Variants in SMC1B observed in about 807,000 individuals in gnomAD.
SMC1B encodes the protein structural maintenance of chromosomes protein 1B.
A neutral mutation model predicts 157.9 loss-of-function variants in SMC1B; 60 were observed. The ratio of observed to expected loss-of-function variants is 0.38; its 90% CI spans 0.31 to 0.47. SMC1B has a LOEUF of 0.47. Ranked by LOEUF, SMC1B falls within the 20% of genes least tolerant of loss-of-function variation. SMC1B has a pLI of 0.99. For synonymous variants in SMC1B, 445 were observed against 483.0 expected (o/e 0.92, Z 1.03); for missense variants, 1,165 against 1,426.2 (o/e 0.82, Z 2.95).
chr22:45,354,403 T>C (rs1051002581), intron 20 of SMC1B, among the ~76,000 whole-genome samples: 4 of 152,124 alleles, frequency 2.6e-5, no homozygotes, highest in Admixed American at 6.6e-5. Context: ...TGTATGTATG[T>C]ATTTAGAGAC....
chr22:45,413,345 AG>A, intron 1 of SMC1B, 113 bp downstream of exon 1: 1 of 774,524 alleles, frequency 1.3e-6, no homozygotes, highest in Non-Finnish European at 2.1e-6. Flanking sequence ...CGGGACTGGA[AG>A]GGGAAGGCCG....
At chr22:45,372,869 G>T (rs6007002) in intron 12 of SMC1B, among the ~76,000 whole-genome samples, 2 of 151,654 alleles carry the variant, frequency 1.3e-5, no homozygotes, top group African/African-American at 4.8e-5. Context: ...CCCGCCAGCA[G>T]GCCCAGCTAA....
chr22:45,364,411 A>G (rs778758078), intron 15 of SMC1B, among the ~76,000 whole-genome samples: 2 of 152,264 alleles, frequency 1.3e-5, no homozygotes, highest in African/African-American at 4.8e-5. Flanking sequence ...AGAGGTTACT[A>G]TATACCTGAC....
intron 16 of SMC1B, among the ~76,000 whole-genome samples, chr22:45,362,482 G>C (rs566713599): frequency 4.6e-5 from 7 of 152,156 alleles, no homozygotes; most frequent in Admixed American, 4.6e-4. Flanking sequence ...ATTCTCATGT[G>C]GTTTCAGTTT....
At chr22:45,397,211 T>G (rs1300470818) in intron 6 of SMC1B, among the ~76,000 whole-genome samples, 1 of 152,178 alleles carries the variant, frequency 6.6e-6, no homozygotes, top group Non-Finnish European at 1.5e-5. Context: ...AGGTTTTTGT[T>G]GCTCTATTTT....
chr22:45,364,171 C>T (rs932461488), intron 15 of SMC1B, among the ~76,000 whole-genome samples: 1 of 152,074 alleles, frequency 6.6e-6, no homozygotes, highest in African/African-American at 2.4e-5. Flanking sequence ...CTTATATAAA[C>T]ACCAAACTTG....
chr22:45,386,780 G>A, intron 11 of SMC1B, 87 bp downstream of exon 11: 1 of 1,205,988 alleles, frequency 8.3e-7, no homozygotes, highest in Non-Finnish European at 1.2e-6. Flanking sequence ...AAACGCATAT[G>A]TAAATATTTG....
At chr22:45,392,483 G>T (rs1412140247) in intron 9 of SMC1B, among the ~76,000 whole-genome samples, 1 of 145,262 alleles carries the variant, frequency 6.9e-6, no homozygotes, top group Admixed American at 6.9e-5. Flanking sequence ...TTAACTAGTT[G>T]TGTGTGTGTG....
intron 16 of SMC1B, among the ~76,000 whole-genome samples, chr22:45,362,317 T>C (rs1471621755): frequency 6.6e-6 from 1 of 152,238 alleles, no homozygotes; most frequent in Non-Finnish European, 1.5e-5. Context: ...TTTTACGTTT[T>C]TGACAGCCTT....
At position 45,399,306 on chromosome 22, in the gene SMC1B, G is replaced by C. The variant is rs766026141; in HGVS notation, c.902C>G (p.Ala301Gly). The C allele has an allele frequency of 1.2e-6, 2 of 1,613,782 alleles. No individual in the cohort carries two copies. The highest frequency in any genetic ancestry group is 2.2e-5 in the South Asian group (2 of 91,066). Residue 301 changes from alanine to glycine, a missense_variant, in exon 6 of 25, where the codon GCC (alanine) becomes GGC (glycine). Transcript: ENST00000357450. ...AAGGTGGTGAGAAGTGTTTTCTTTG[G>C]CTTTAATGTACTGAGGCCTCTTCTG... ...LNQKRPQYIK[A>G]KENTSHHLKK...
In SMC1B at chr22:45,359,910, C is replaced by G; in HGVS notation, c.2757G>C (p.Leu919=). 1 of 1,614,006 alleles carries G rather than the reference C, an allele frequency of 6.2e-7. No homozygotes were observed. Among genetic ancestry groups the G allele is most frequent in the Non-Finnish European group, 8.5e-7 (1 of 1,179,930 alleles). The change falls in exon 18 of 25, where the codon CTG becomes CTC. Residue 919 remains leucine, a synonymous_variant. Coordinates refer to ENST00000357450, the MANE Select transcript of SMC1B (RefSeq NM_148674.5). ...QKEVVSIQTS[L]EQKRLEKHNL... ...TATGCTTCTCTAATCGTTTCTGTTCCAGAGAAGTTTGAATACTTACAACTT... is the reference window on the plus strand; with the variant it reads ...TATGCTTCTCTAATCGTTTCTGTTCGAGAGAAGTTTGAATACTTACAACTT...
At chr22:45,393,943 T>C (rs2087091912) in intron 8 of SMC1B, 102 bp from the exon 9 acceptor site, 2 of 735,240 alleles carry the variant, frequency 2.7e-6, no homozygotes, top group Admixed American at 3.0e-5. Flanking sequence ...AATAGAGCAG[T>C]GCTCTATCAA....
At chr22:45,413,169 G>T (rs935125594) in intron 1 of SMC1B, among the ~76,000 whole-genome samples, 1 of 152,128 alleles carries the variant, frequency 6.6e-6, no homozygotes. Flanking sequence ...TGGAGGGCGA[G>T]AGCGGGGCCC....
intron 18 of SMC1B, among the ~76,000 whole-genome samples, chr22:45,359,094 G>A (rs919318009): frequency 1.3e-5 from 2 of 152,092 alleles, no homozygotes; most frequent in African/African-American, 2.4e-5. Context: ...AAAAACCCCT[G>A]CAATATCTGT....
Position 45,360,037 on chromosome 22 carries a change from ACTTTTATG to A in SMC1B, c.2709-87_2709-80del. On this transcript the variant is annotated intron_variant, in intron 17 of 24. Transcript: ENST00000357450. ...CAAGGAAGAAAAATGTATGCTATAA[ACTTTTATG>A]AAAAAAGAATTATTTATTCCTGTGA... The A allele has an allele frequency of 5.5e-6, 6 of 1,083,804 alleles. No individual in the cohort carries two copies. The Admixed American group carries it at 7.4e-5, about 13-fold the overall frequency. 67.1% of individuals were successfully genotyped at this position (1,083,804 alleles called of 1,614,324 possible).
At chr22:45,353,295 A>G (rs1445577031) in intron 21 of SMC1B, among the ~76,000 whole-genome samples, 2 of 151,916 alleles carry the variant, frequency 1.3e-5, no homozygotes, top group South Asian at 2.1e-4. Context: ...AGAAAGAAAA[A>G]AAAAAAGGGT....
At position 45,402,366 on chromosome 22, in the gene SMC1B, G is replaced by C; in HGVS notation, c.821C>G (p.Thr274Ser). The change falls in exon 5 of 25, where the codon ACT becomes AGT. Residue 274 changes from threonine to serine, a missense_variant. By Grantham distance (58) the Thr-to-Ser change is moderately conservative (BLOSUM62 1). Transcript: ENST00000357450. ...KARKKEHGMLTRQLQQTEKEL... is the reference protein window; with the variant it reads ...KARKKEHGMLSRQLQQTEKEL... ...TTTTTCTGTTTGTTGTAGTTGTCTA[G>C]TTAGCATTCCATGTTCCTTTTTCCT... is the stretch of plus-strand genomic sequence containing the variant. The C allele has an allele frequency of 4.3e-6, 7 of 1,613,296 alleles. No homozygotes were observed. Among genetic ancestry groups the C allele is most frequent in the Non-Finnish European group, 5.9e-6 (7 of 1,179,642 alleles).
chr22:45,413,244 C>T (rs1440066806), intron 1 of SMC1B, among the ~76,000 whole-genome samples: 1 of 151,880 alleles, frequency 6.6e-6, no homozygotes, highest in African/African-American at 2.4e-5. Context: ...GGTCGGGACC[C>T]CTGAGGTGGA....
At chr22:45,387,889 G>A (rs546306587) in intron 10 of SMC1B, among the ~76,000 whole-genome samples, 7 of 151,862 alleles carry the variant, frequency 4.6e-5, no homozygotes, top group Admixed American at 1.3e-4. Flanking sequence ...AAAATTAACC[G>A]GGTGTGGTGG....
Sources: gnomAD v4.1 joint callset for allele counts (sites outside exome capture counted in the v4.1 genomes callset) on GRCh38, gnomAD v4.1.1 for gene constraint, MANE v1.5 for transcripts, NCBI Gene and HGNC (gene_info 2026-07-23, HGNC 2026-07-21) for gene names.